The following IQSEC3 variants were observed in gnomAD, a reference collection of about 807,000 sequenced individuals.
IQSEC3 encodes IQ motif and SEC7 domain-containing protein 3.
In IQSEC3, 50 loss-of-function variants were observed where a neutral mutation model predicts 105.4. The ratio of observed to expected loss-of-function variants is 0.47; its 90% CI spans 0.38 to 0.60. The LOEUF (loss-of-function observed/expected upper bound fraction) is 0.60, where lower values mean the gene tolerates loss of function less well. Ranked by LOEUF, IQSEC3 falls within the 20% of genes least tolerant of loss-of-function variation. IQSEC3 has a pLI of 0.00. For synonymous variants in IQSEC3, 708 were observed against 746.0 expected (o/e 0.95, Z 0.83); for missense variants, 1,415 against 1,630.0 (o/e 0.87, Z 2.27).
chr12:157,523 C>CA lies in IQSEC3; in HGVS notation c.2277-4dup. 6.2e-7 allele frequency: 1 copy of CA among 1,609,206 alleles called. No individual in the cohort carries two copies. Among genetic ancestry groups the CA allele is most frequent in the African/African-American group, 1.3e-5 (1 of 75,036 alleles). The stretch of plus-strand genomic sequence containing the variant: ...GCGTCCGCTCTGCATCTGACCCCCC[C>CA]ACAGCCAGCGCTACTGCATGTGCAA... On this transcript the variant is annotated splice_polypyrimidine_tract_variant and splice_region_variant and intron_variant, in intron 6 of 13. Transcript: ENST00000538872.
intron 3 of IQSEC3, among the ~76,000 whole-genome samples, chr12:129,914 C>T (rs1865533966): frequency 6.6e-6 from 1 of 152,184 alleles, no homozygotes; most frequent in South Asian, 2.1e-4. Flanking sequence ...TTCTAAGTCA[C>T]TTTCCCTCTT....
chr12:105,743 G>T (rs1485891945), intron 2 of IQSEC3, among the ~76,000 whole-genome samples: 2 of 152,214 alleles, frequency 1.3e-5, no homozygotes, highest in African/African-American at 4.8e-5. Context: ...TCTTGTCATT[G>T]AGTTTTGACT....
intron 3 of IQSEC3, 82 bp downstream of exon 3, chr12:125,994 C>A: frequency 7.5e-7 from 1 of 1,341,632 alleles, no homozygotes; most frequent in Non-Finnish European, 1.0e-6. Flanking sequence ...AGGGATATCC[C>A]CGCTGGGTCC....
chr12:146,209 T>A (rs568028603), intron 5 of IQSEC3, among the ~76,000 whole-genome samples: 2 of 152,358 alleles, frequency 1.3e-5, no homozygotes, highest in East Asian at 3.9e-4. Flanking sequence ...CATTTGAGAA[T>A]GTCCTGCCCA....
intron 1 of IQSEC3, among the ~76,000 whole-genome samples, chr12:78,067 G>A (rs1863612403): frequency 6.6e-6 from 1 of 151,432 alleles, no homozygotes; most frequent in Admixed American, 6.6e-5. Context: ...GCCCCGCTGA[G>A]GAAGGCGGCT....
At chr12:146,390 A>G (rs1179480398) in intron 5 of IQSEC3, among the ~76,000 whole-genome samples, 1 of 152,086 alleles carries the variant, frequency 6.6e-6, no homozygotes, top group East Asian at 1.9e-4. Flanking sequence ...CCAAGGCATC[A>G]GAATCACTTG....
intron 5 of IQSEC3, among the ~76,000 whole-genome samples, chr12:155,658 G>A (rs181852341): frequency 8.7e-4 from 133 of 152,230 alleles, no homozygotes; most frequent in Middle Eastern, 3.4e-3. Context: ...CAGTGGGCAC[G>A]AATGGAAGCT....
At chr12:86,913 G>A (rs1863935444) in intron 1 of IQSEC3, among the ~76,000 whole-genome samples, 1 of 151,962 alleles carries the variant, frequency 6.6e-6, no homozygotes, top group Non-Finnish European at 1.5e-5. Context: ...GATCTGGGAA[G>A]GCCTACAGCT....
At position 170,343 on chromosome 12, in the gene IQSEC3, G is replaced by C. The variant is rs577366826; in HGVS notation, c.3065-769G>C. 2.0e-5 allele frequency among the ~76,000 whole-genome samples: 3 copies of C among 149,888 alleles called. No individual in the cohort carries two copies. In the South Asian group the frequency reaches 6.6e-4, roughly 33 times the overall value. ...TCTCTTTTGGAAGCTGCCCGCCCTG[G>C]TTAGGCCCAGATGCCTGTCCCCAGG... On this transcript the variant is annotated intron_variant, in intron 12 of 13. Transcript: ENST00000538872.
intron 1 of IQSEC3, among the ~76,000 whole-genome samples, chr12:90,270 T>C (rs1391716084): frequency 1.3e-5 from 2 of 152,256 alleles, no homozygotes; most frequent in Non-Finnish European, 2.9e-5. Context: ...AGGTTGTTTG[T>C]CTTTTTATTA....
chr12:127,522 A>G (rs2136973591), intron 3 of IQSEC3, among the ~76,000 whole-genome samples: 1 of 152,206 alleles, frequency 6.6e-6, no homozygotes, highest in African/African-American at 2.4e-5. Flanking sequence ...TCTCAAAACA[A>G]AACAAAACAA....
chr12:171,478 C>A (rs1938994277), intron 13 of IQSEC3: 1 of 649,614 alleles, frequency 1.5e-6, no homozygotes, highest in Non-Finnish European at 2.7e-6. Flanking sequence ...CCCCCAAATC[C>A]ACCTCCCCAG....
chr12:127,773 A>G (rs943454771), intron 3 of IQSEC3, among the ~76,000 whole-genome samples: 7 of 152,096 alleles, frequency 4.6e-5, no homozygotes, highest in Non-Finnish European at 1.0e-4. Context: ...GATTCTGGAT[A>G]TTAGCCCTTT....
chr12:138,762 G>A lies in IQSEC3; in HGVS notation c.1399G>A (p.Ala467Thr). 2 of 1,570,786 alleles carry A rather than the reference G, an allele frequency of 1.3e-6. No individual in the cohort carries two copies. The highest frequency in any genetic ancestry group is 1.7e-6 in the Non-Finnish European group (2 of 1,163,554). Residue 467 changes from alanine (A) to threonine (T), a missense_variant, in exon 4 of 14, where the codon GCC becomes ACC. Coordinates refer to ENST00000538872, the MANE Select transcript of IQSEC3 (RefSeq NM_001170738.2). This position sits in a 1 kb window ranked among gnomAD's most constrained non-coding sequence, Gnocchi z 7.1. Reference protein sequence around the residue: ...ESAGPGPGDDAAETPGLPPAH... With the variant: ...ESAGPGPGDDTAETPGLPPAH... ...CGCGGGCCCCGGGCCCGGGGATGAC[G>A]CCGCGGAGACCCCCGGCCTGCCCCC...
intron 2 of IQSEC3, among the ~76,000 whole-genome samples, chr12:104,327 G>A (rs1033717400): frequency 7.2e-5 from 11 of 152,088 alleles, no homozygotes; most frequent in Non-Finnish European, 1.3e-4. Flanking sequence ...TTTTTTAAGC[G>A]CTCAAGAGAA....
intron 1 of IQSEC3, among the ~76,000 whole-genome samples, chr12:79,226 C>T (rs1029250312): frequency 1.0e-5 from 1 of 100,450 alleles, no homozygotes; most frequent in Middle Eastern, 5.7e-3. Context: ...GGAGGCCCTC[C>T]CTCACCCCCC....
At chr12:168,549 G>A (rs1350618279) in intron 11 of IQSEC3, among the ~76,000 whole-genome samples, 11 of 152,142 alleles carry the variant, frequency 7.2e-5, no homozygotes, top group Admixed American at 3.3e-4. Flanking sequence ...CATTACTTTC[G>A]CACAAACCTT....
At position 163,388 on chromosome 12, in the gene IQSEC3, G is replaced by GTCCCCTCACAGAACCGGA. The variant is rs1565447354; in HGVS notation, c.2584-106_2584-105insTCCCCTCACAGAACCGGA. 12 of 563,290 alleles carry GTCCCCTCACAGAACCGGA rather than the reference G, an allele frequency of 2.1e-5. 2 individuals are homozygous for GTCCCCTCACAGAACCGGA. In the African/African-American group the frequency reaches 3.3e-4, roughly 16 times the overall value. 34.9% of individuals were successfully genotyped at this position (563,290 alleles called of 1,614,324 possible). A position where few individuals can be genotyped will look rare whatever the true frequency, so the allele number is the denominator to read the frequency against. On this transcript the variant is annotated intron_variant, in intron 8 of 13. Coordinates refer to ENST00000538872, the MANE Select transcript of IQSEC3 (RefSeq NM_001170738.2). ...CCCTCTCCTCCCTCCACAGAACCGG[G>GTCCCCTCACAGAACCGGA]CCCCTCCCCTCTCCCGGGCTGTCTC...
rs542787035 is a variant in IQSEC3 at position 162,007 on chromosome 12, A to G, written c.2525A>G (p.Asn842Ser). 4 of 1,613,868 alleles carry G rather than the reference A, an allele frequency of 2.5e-6. No individual in the cohort carries two copies. The highest frequency in any genetic ancestry group is 3.3e-4 in the Middle Eastern group (2 of 6,060). The change falls in exon 8 of 14, where the codon AAT becomes AGT. Residue 842 changes from asparagine to serine, a missense_variant. By Grantham distance (46) the Asn-to-Ser change is conservative (BLOSUM62 1). Coordinates refer to ENST00000538872, the MANE Select transcript of IQSEC3 (RefSeq NM_001170738.2). ...ATACAGCAGAAGGAGCTCAAGTCCAATGAGGACCACGTCACGTACGTCACC... is the reference window on the plus strand; with the variant it reads ...ATACAGCAGAAGGAGCTCAAGTCCAGTGAGGACCACGTCACGTACGTCACC... ...ERIQQKELKS[N>S]EDHVTYVTKV...
Sources: allele counts gnomAD v4.1 joint callset (sites outside exome capture counted in the v4.1 genomes callset), GRCh38; gene constraint gnomAD v4.1.1; non-coding constraint Gnocchi (gnomAD v3.1); transcripts MANE v1.5; gene names NCBI Gene and HGNC (gene_info 2026-07-23, HGNC 2026-07-21).